TRIM27: variants seen among roughly 807,000 people sequenced by gnomAD.
The protein encoded by TRIM27 is zinc finger protein RFP.
A neutral mutation model predicts 57.6 loss-of-function variants in TRIM27; 12 were observed. The observed-to-expected ratio is 0.21, with a 90% CI of 0.13 to 0.34. The LOEUF is 0.34. Among genes scored for constraint, TRIM27 ranks in the 10% least tolerant of loss-of-function variants. The probability of loss-of-function intolerance (pLI) is 1.00; values close to 1 mark genes in which losing one functional copy is unlikely to be tolerated. For missense variants in TRIM27, 403 were observed against 656.8 expected (o/e 0.61, Z 4.22); for synonymous variants, 266 against 259.0 (o/e 1.03, Z -0.26).
intron 3 of TRIM27, chr6:28,915,068 T>A (rs1348533219): frequency 6.6e-6 from 1 of 152,036 alleles, no homozygotes; most frequent in East Asian, 1.9e-4. Flanking sequence ...TAAATAGAGA[T>A]AAATGATACT....
intron 3 of TRIM27, among the ~76,000 whole-genome samples, chr6:28,916,714 A>G (rs1251823769): frequency 6.6e-6 from 1 of 152,186 alleles, no homozygotes; most frequent in African/African-American, 2.4e-5. Flanking sequence ...TTTGGGTGGT[A>G]AAAGTGTTTT....
chr6:28,909,057 T>C lies in TRIM27; in HGVS notation c.802A>G (p.Ile268Val), dbSNP rs1447965081. 1 of 1,613,954 alleles carries C rather than the reference T, an allele frequency of 6.2e-7. No homozygotes were observed. The change falls in exon 5 of 8, where the codon ATC (isoleucine) becomes GTC (valine). Residue 268 changes from isoleucine to valine, a missense_variant. Coordinates refer to ENST00000377199, the MANE Select transcript of TRIM27 (RefSeq NM_006510.5). Reference protein sequence around the residue: ...AERIRIPEPWITPPDLQEKIH... With the variant: ...AERIRIPEPWVTPPDLQEKIH... ...TTCTCTTGCAAATCTGGAGGTGTGATCCAAGGTTCAGGAATCCTGATTCTT... is the reference window on the plus strand; with the variant it reads ...TTCTCTTGCAAATCTGGAGGTGTGACCCAAGGTTCAGGAATCCTGATTCTT...
intron 3 of TRIM27, among the ~76,000 whole-genome samples, chr6:28,912,730 C>CA (rs1287173156): frequency 2.6e-5 from 4 of 152,002 alleles, no homozygotes; most frequent in African/African-American, 9.7e-5. Flanking sequence ...TTATCTTGTG[C>CA]ATATGTATTT....
At chr6:28,911,357 A>T in intron 4 of TRIM27, 1 of 251,380 alleles carries the variant, frequency 4.0e-6, no homozygotes, top group Non-Finnish European at 7.5e-6. Context: ...AAAATGAGAT[A>T]ATGAAGGGGG....
chr6:28,908,930 A>G (rs376435403), intron 5 of TRIM27, 43 bp downstream of exon 5: 2 of 1,598,464 alleles, frequency 1.3e-6, no homozygotes, highest in Non-Finnish European at 1.7e-6. Context: ...GCAGATACTC[A>G]GTATAAATCC....
At position 28,904,637 on chromosome 6, in the gene TRIM27, G is replaced by C; in HGVS notation, c.975C>G (p.Ala325=). The C allele has an allele frequency of 6.3e-7, 1 of 1,599,208 alleles. No individual in the cohort carries two copies. The highest frequency in any genetic ancestry group is 8.5e-7 in the Non-Finnish European group (1 of 1,179,742). Residue 325 remains alanine, a synonymous_variant, in exon 8 of 8, where the codon GCC becomes GCG. Coordinates refer to ENST00000377199, the MANE Select transcript of TRIM27 (RefSeq NM_006510.5). The surrounding 1 kb of genome is among the most constrained non-coding windows in gnomAD (Gnocchi z 6.1). ...TATCAGAGAGGATCAGGCTGGGGTA[G>C]GCCGTGTCTGGGTCCAGAGTCACGT... ...SVDVTLDPDT[A]YPSLILSDNL... is the part of the protein sequence containing the mutation.
chr6:28,911,829 T>G, intron 3 of TRIM27, 111 bp from the exon 4 acceptor site: 2 of 1,040,652 alleles, frequency 1.9e-6, no homozygotes, highest in East Asian at 4.8e-5. Flanking sequence ...TGGGAGAAAT[T>G]AGGGAGAAAA....
rs1252449045 is a variant in TRIM27, at chr6:28,904,004, CA to C, written c.*65del. On this transcript the variant is annotated 3_prime_UTR_variant, in exon 8 of 8. Coordinates refer to ENST00000377199, the MANE Select transcript of TRIM27 (RefSeq NM_006510.5). The surrounding 1 kb of genome is among the most constrained non-coding windows in gnomAD (Gnocchi z 6.1). ...CCAGCTGTGACAGGACGTGGCAAGG[CA>C]ACAAGATGCCTTGTGCCTGGCGTAG... is the stretch of plus-strand genomic sequence containing the variant. 1.5e-6 allele frequency: 2 copies of C among 1,377,648 alleles called. No individual in the cohort carries two copies. The highest frequency in any genetic ancestry group is 2.9e-5 in the African/African-American group (2 of 69,496). The allele number at this position is 1,377,648 out of a possible 1,614,324, so 85.3% of individuals were successfully genotyped here. A position where few individuals can be genotyped will look rare whatever the true frequency, so the allele number is the denominator to read the frequency against.
intron 2 of TRIM27, 27 bp downstream of exon 2, chr6:28,921,865 C>A: frequency 6.3e-7 from 1 of 1,576,610 alleles, no homozygotes; most frequent in Non-Finnish European, 8.7e-7. Context: ...ACCAGCAGAA[C>A]CAACTGTGAA....
At chr6:28,915,023 T>C (rs1773499402) in intron 3 of TRIM27, 1 of 152,092 alleles carries the variant, frequency 6.6e-6, no homozygotes, top group Non-Finnish European at 1.5e-5. Flanking sequence ...AATTATTTTA[T>C]TTAACTGAAC....
chr6:28,919,259 C>G (rs1773850144), intron 3 of TRIM27, among the ~76,000 whole-genome samples: 1 of 152,144 alleles, frequency 6.6e-6, no homozygotes, highest in Non-Finnish European at 1.5e-5. Flanking sequence ...ATCCACCCGC[C>G]TCGGCCCCCC....
intron 2 of TRIM27, among the ~76,000 whole-genome samples, chr6:28,921,139 G>C (rs536858532): frequency 6.6e-6 from 1 of 152,332 alleles, no homozygotes; most frequent in East Asian, 1.9e-4. Context: ...CCAGCACTTT[G>C]GGAGGCTGAG....
rs781245194 is a variant in TRIM27, at chr6:28,904,703, G to A, written c.947-38C>T. On this transcript the variant is annotated intron_variant, in intron 7 of 7. Coordinates refer to ENST00000377199, the MANE Select transcript of TRIM27 (RefSeq NM_006510.5). This position sits in a 1 kb window ranked among gnomAD's most constrained non-coding sequence, Gnocchi z 6.1. ...AAGGAAGACAGTCAGCCGTGGGCCA[G>A]GAGAGCCTATTTTAGAACACCCAGC... The A allele has an allele frequency of 1.3e-6, 2 of 1,534,964 alleles. No homozygotes were observed. Among genetic ancestry groups the A allele is most frequent in the Non-Finnish European group, 1.8e-6 (2 of 1,140,150 alleles).
chr6:28,908,737 C>T, intron 6 of TRIM27, 71 bp downstream of exon 6: 6 of 1,496,020 alleles, frequency 4.0e-6, no homozygotes, highest in Non-Finnish European at 5.6e-6. Flanking sequence ...CCCACGTTTC[C>T]CACTTTCAGT....
Position 28,904,695 on chromosome 6 carries a change from G to A in TRIM27, c.947-30C>T, listed in dbSNP as rs757427893. 7.0e-6 allele frequency: 11 copies of A among 1,561,104 alleles called. No homozygotes were observed. The highest frequency in any genetic ancestry group is 2.3e-5 in the East Asian group (1 of 44,296). Reference sequence around the variant, plus strand: ...AGAGACACAAGGAAGACAGTCAGCCGTGGGCCAGGAGAGCCTATTTTAGAA... The same window carrying A: ...AGAGACACAAGGAAGACAGTCAGCCATGGGCCAGGAGAGCCTATTTTAGAA... On this transcript the variant is annotated intron_variant, in intron 7 of 7. Coordinates refer to ENST00000377199, the MANE Select transcript of TRIM27 (RefSeq NM_006510.5). This position sits in a 1 kb window ranked among gnomAD's most constrained non-coding sequence, Gnocchi z 6.1.
At position 28,923,850 on chromosome 6, in the gene TRIM27, A is replaced by G; in HGVS notation, c.-218T>C. Reference sequence around the variant, plus strand: ...CTGTGCCCCCTAAGCGAGAGCGGGAATACGGCCGGCTCACCGAGGCTCGCG... The same window carrying G: ...CTGTGCCCCCTAAGCGAGAGCGGGAGTACGGCCGGCTCACCGAGGCTCGCG... On this transcript the variant is annotated 5_prime_UTR_variant, in exon 1 of 8. Coordinates refer to ENST00000377199, the MANE Select transcript of TRIM27 (RefSeq NM_006510.5). 1.9e-6 allele frequency: 1 copy of G among 528,012 alleles called. No individual in the cohort carries two copies. Among genetic ancestry groups the G allele is most frequent in the Non-Finnish European group, 3.2e-6 (1 of 307,868 alleles). 32.7% of individuals were successfully genotyped at this position (528,012 alleles called of 1,614,324 possible).
intron 1 of TRIM27, 129 bp downstream of exon 1, chr6:28,923,084 A>C: frequency 9.1e-7 from 1 of 1,103,648 alleles, no homozygotes; most frequent in Non-Finnish European, 1.3e-6. Context: ...GAGCGGACAG[A>C]GAGGAAATGA....
chr6:28,912,484 C>T (rs1773280670), intron 3 of TRIM27, among the ~76,000 whole-genome samples: 1 of 150,950 alleles, frequency 6.6e-6, no homozygotes, highest in Non-Finnish European at 1.5e-5. Flanking sequence ...AAGAGTGAAA[C>T]TCTGTCTCAG....
intron 3 of TRIM27, among the ~76,000 whole-genome samples, chr6:28,917,284 T>G (rs1044404266): frequency 6.6e-6 from 1 of 150,682 alleles, no homozygotes; most frequent in African/African-American, 2.4e-5. Context: ...GATAAGAAAG[T>G]TACACGACAG....
Sources: allele counts gnomAD v4.1 joint callset (sites outside exome capture counted in the v4.1 genomes callset), GRCh38; gene constraint gnomAD v4.1.1; non-coding constraint Gnocchi (gnomAD v3.1); transcripts MANE v1.5; gene names NCBI Gene and HGNC (gene_info 2026-07-23, HGNC 2026-07-21).